TRRAP: variants seen among roughly 807,000 people sequenced by gnomAD.
TRRAP encodes transformation/transcription domain-associated protein.
In TRRAP, 41 loss-of-function variants were observed where a neutral mutation model predicts 438.8. The observed-to-expected ratio is 0.09, with a 90% CI of 0.07 to 0.12. TRRAP has a LOEUF of 0.12. TRRAP is among the 10% of genes least tolerant of loss of function. The pLI, the probability that TRRAP is intolerant of heterozygous loss-of-function variation, is 1.00. For synonymous variants in TRRAP, 1,994 were observed against 1,962.9 expected, an observed-to-expected ratio of 1.02 and a Z score of -0.42; for missense variants, 3,122 against 5,055.1, an observed-to-expected ratio of 0.62 and a Z score of 11.60.
chr7:98,986,196 G>A (rs1291865667), intron 62 of TRRAP, among the ~76,000 whole-genome samples: 1 of 152,206 alleles, frequency 6.6e-6, no homozygotes, highest in African/African-American at 2.4e-5. Context: ...GCAGTTGATG[G>A]ATGTGTGGGT....
Position 98,967,630 on chromosome 7 carries a change from C to T in TRRAP, c.7444C>T (p.Leu2482Phe), listed in dbSNP as rs760180339. The change falls in exon 51 of 73, where the codon CTC (leucine) becomes TTC (phenylalanine). Residue 2482 changes from leucine (L) to phenylalanine (F), a missense_variant. Coordinates refer to ENST00000456197, the MANE Select transcript of TRRAP (RefSeq NM_001375524.1). ...GAAACGTCGTGTCTACGAGCGCTTG[C>T]TCTATGTGACCTGTTCGCAGAACTG... ...SMKRRVYERL[L>F]YVTCSQNWEA... is the part of the protein sequence containing the mutation. The T allele has an allele frequency of 1.2e-6, 2 of 1,614,062 alleles. No homozygotes were observed. The highest frequency in any genetic ancestry group is 8.5e-7 in the Non-Finnish European group (1 of 1,180,032).
chr7:99,007,857 C>T (rs1271753477), intron 69 of TRRAP, among the ~76,000 whole-genome samples: 1 of 145,874 alleles, frequency 6.9e-6, no homozygotes, highest in African/African-American at 2.5e-5. Flanking sequence ...GATGGAGTCT[C>T]GCTCTGTCGC....
In TRRAP at chr7:99,005,047, G is replaced by A; in HGVS notation, c.10536-84G>A. 7.1e-7 allele frequency: 1 copy of A among 1,412,714 alleles called. No individual in the cohort carries two copies. Among genetic ancestry groups the A allele is most frequent in the South Asian group, 1.2e-5 (1 of 84,572 alleles). 87.5% of individuals were successfully genotyped at this position (1,412,714 alleles called of 1,614,324 possible). A position where few individuals can be genotyped will look rare whatever the true frequency, so the allele number is the denominator to read the frequency against. On this transcript the variant is annotated intron_variant, in intron 68 of 72. Transcript: ENST00000456197. The surrounding 1 kb of genome is among the most constrained non-coding windows in gnomAD (Gnocchi z 5.1). ...CTACACAGTCCGTTTTCCCGTGACA[G>A]TTCGGACATTCCTAGCTTCTTCTCA...
intron 3 of TRRAP, among the ~76,000 whole-genome samples, chr7:98,882,815 C>T (rs1795515657): frequency 6.8e-6 from 1 of 148,022 alleles, no homozygotes; most frequent in Admixed American, 6.7e-5. Context: ...GTGTGCACCA[C>T]ACCCGGCTGA....
Position 99,011,644 on chromosome 7 carries a change from C to T in TRRAP, c.11337+109C>T. On this transcript the variant is annotated intron_variant, in intron 72 of 72. Transcript: ENST00000456197. The surrounding 1 kb of genome is among the most constrained non-coding windows in gnomAD (Gnocchi z 7.1). ...TGTGCCTCACGGGCTCTGCGCTCTC[C>T]ACAGTGGCCAGCACCCCTGTGTGTT... The T allele has an allele frequency of 3.9e-6, 5 of 1,276,340 alleles. No individual in the cohort carries two copies. Among genetic ancestry groups the T allele is most frequent in the Non-Finnish European group, 5.3e-6 (5 of 936,126 alleles). The allele number at this position is 1,276,340 out of a possible 1,614,324, so 79.1% of individuals were successfully genotyped here.
In TRRAP at chr7:99,005,143, G is replaced by C. The variant is rs575341026; in HGVS notation, c.10548G>C (p.Arg3516=). 33 of 1,613,610 alleles carry C rather than the reference G, an allele frequency of 2.0e-5. No individual in the cohort carries two copies. The highest frequency in any genetic ancestry group is 4.4e-5 in the South Asian group (4 of 91,082). ...CTCGCTCTGGCAGGTTCATGCCCCG[G>C]GTAGAGATTGTGCAGAAGCACAACA... ...YYIKIARFMP[R]VEIVQKHNTA... The change falls in exon 69 of 73, where the codon CGG becomes CGC. Residue 3516 remains arginine, a synonymous_variant. Coordinates refer to ENST00000456197, the MANE Select transcript of TRRAP (RefSeq NM_001375524.1). The surrounding 1 kb of genome is among the most constrained non-coding windows in gnomAD (Gnocchi z 5.1).
intron 24 of TRRAP, 40 bp downstream of exon 24, chr7:98,930,246 G>A: frequency 1.2e-6 from 2 of 1,604,862 alleles, no homozygotes; most frequent in Non-Finnish European, 1.7e-6. Flanking sequence ...TTTGGAGGGT[G>A]TCTGTACCTG....
At chr7:98,953,508 C>T in intron 40 of TRRAP, 75 bp downstream of exon 40, 1 of 1,564,734 alleles carries the variant, frequency 6.4e-7, no homozygotes, top group Non-Finnish European at 8.6e-7. Flanking sequence ...CTGGTGCAGT[C>T]TCAGCCTCTC....
intron 6 of TRRAP, among the ~76,000 whole-genome samples, chr7:98,895,030 G>A (rs1436105310): frequency 2.6e-5 from 4 of 151,948 alleles, no homozygotes; most frequent in Non-Finnish European, 5.9e-5. Flanking sequence ...ATCATGTTAA[G>A]TGTAAGCATT....
Position 98,910,499 on chromosome 7 carries a change from C to A in TRRAP, c.1715-11C>A. The A allele has an allele frequency of 6.2e-7, 1 of 1,613,160 alleles. No homozygotes were observed. The highest frequency in any genetic ancestry group is 1.1e-5 in the South Asian group (1 of 91,056). On this transcript the variant is annotated splice_polypyrimidine_tract_variant and intron_variant, in intron 15 of 72. Coordinates refer to ENST00000456197, the MANE Select transcript of TRRAP (RefSeq NM_001375524.1). ...TATTCAAGTTAACTTAATATACTTT[C>A]TCTTTTCCAGAAGCTCAGTTCATTC...
In TRRAP at chr7:98,937,193, G is replaced by A. The variant is rs368076451; in HGVS notation, c.4149G>A (p.Arg1383=). 2.0e-4 allele frequency: 317 copies of A among 1,613,350 alleles called. 3 individuals carry two copies. The South Asian group carries it at 3.2e-3, about 16-fold the overall frequency. The change falls in exon 29 of 73, where the codon AGG becomes AGA. Residue 1383 remains arginine (R), a synonymous_variant. Coordinates refer to ENST00000456197, the MANE Select transcript of TRRAP (RefSeq NM_001375524.1). ...LAACNYLPQS[R]EKIIAALFKA... The stretch of plus-strand genomic sequence containing the variant: ...CCTGCAATTACCTTCCTCAGTCCAG[G>A]GAGAAAATCATCGCTGCACTCTTCA...
chr7:98,893,389 C>T (rs782433392), intron 5 of TRRAP, among the ~76,000 whole-genome samples: 13 of 152,228 alleles, frequency 8.5e-5, no homozygotes, highest in Non-Finnish European at 1.8e-4. Context: ...ATCATGCCCT[C>T]ACAGGTCAGA....
chr7:98,912,171 C>T lies in TRRAP; in HGVS notation c.2157C>T (p.Gly719=). The change falls in exon 18 of 73, where the codon GGC becomes GGT. Residue 719 remains glycine (G), a synonymous_variant. Transcript: ENST00000456197. ...TCAAGCTGTTCAAGCTGGTCTTTGG[C>T]TCTGTCTCCCTCTTTGCAGCTGAAA... is the stretch of plus-strand genomic sequence containing the variant. ...LYLKLFKLVF[G]SVSLFAAENE... The T allele has an allele frequency of 6.2e-7, 1 of 1,614,050 alleles. No homozygotes were observed. The highest frequency in any genetic ancestry group is 1.1e-5 in the South Asian group (1 of 91,030).
Position 98,935,655 on chromosome 7 carries a change from C to T in TRRAP, c.4091C>T (p.Pro1364Leu), listed in dbSNP as rs199559167. The change falls in exon 28 of 73, where the codon CCT becomes CTT. Residue 1364 changes from proline to leucine, a missense_variant. Pro to Leu is a moderately conservative substitution (Grantham distance 98). Around this residue, in one of 24 missense-constraint regions of TRRAP, gnomAD observed 84 missense variants for 119.8 expected, o/e 0.70. Coordinates refer to ENST00000456197, the MANE Select transcript of TRRAP (RefSeq NM_001375524.1). ...PCYKSLPSLV[P>L]LRIAALNALA... is the part of the protein sequence containing the mutation. ...TATAAAAGCCTTCCGTCACTCGTACCTTTACGAATTGCGGCATTAAGTAAG... is the reference window on the plus strand; with the variant it reads ...TATAAAAGCCTTCCGTCACTCGTACTTTTACGAATTGCGGCATTAAGTAAG... The T allele has an allele frequency of 7.8e-5, 125 of 1,596,814 alleles. No individual in the cohort carries two copies. In the African/African-American group the frequency reaches 1.4e-3, roughly 17 times the overall value.
intron 3 of TRRAP, among the ~76,000 whole-genome samples, chr7:98,885,604 A>G (rs1554403832): frequency 6.6e-6 from 1 of 152,036 alleles, no homozygotes; most frequent in African/African-American, 2.4e-5. Flanking sequence ...AAAACTTGAG[A>G]TATTTAGAGA....
intron 5 of TRRAP, among the ~76,000 whole-genome samples, chr7:98,893,034 C>G (rs764515098): frequency 6.6e-6 from 1 of 152,052 alleles, no homozygotes; most frequent in Admixed American, 6.6e-5. Context: ...TCACTGCATC[C>G]TCCACCTCCT....
At chr7:98,968,694 G>A (rs923731423) in intron 51 of TRRAP, among the ~76,000 whole-genome samples, 34 of 152,216 alleles carry the variant, frequency 2.2e-4, no homozygotes, top group Non-Finnish European at 1.2e-4. Flanking sequence ...GACAGAAGGT[G>A]GATTAGTTCT....
At chr7:98,996,568 G>A (rs575102152) in intron 67 of TRRAP, among the ~76,000 whole-genome samples, 8 of 152,304 alleles carry the variant, frequency 5.3e-5, no homozygotes, top group African/African-American at 1.4e-4. Context: ...ACATTTAAAA[G>A]CTTAATTACT....
At position 98,908,672 on chromosome 7, in the gene TRRAP, G is replaced by C; in HGVS notation, c.1116-56G>C. On this transcript the variant is annotated intron_variant, in intron 13 of 72. Coordinates refer to ENST00000456197, the MANE Select transcript of TRRAP (RefSeq NM_001375524.1). This position sits in a 1 kb window ranked among gnomAD's most constrained non-coding sequence, Gnocchi z 4.1. ...CAGATGGTGATATCCTTGGTGGCCT[G>C]CTGCAGCAGGCATGGCCACGTGGGA... The C allele has an allele frequency of 6.7e-7, 1 of 1,497,162 alleles. No homozygotes were observed. The highest frequency in any genetic ancestry group is 9.0e-7 in the Non-Finnish European group (1 of 1,112,250). 92.7% of individuals were successfully genotyped at this position (1,497,162 alleles called of 1,614,324 possible). A position where few individuals can be genotyped will look rare whatever the true frequency, so the allele number is the denominator to read the frequency against.
Sources: gnomAD v4.1 joint callset for allele counts (sites outside exome capture counted in the v4.1 genomes callset) on GRCh38, gnomAD v4.1.1 for gene constraint, gnomAD v4.1.1 regional missense constraint, Gnocchi (gnomAD v3.1) non-coding constraint, MANE v1.5 for transcripts, NCBI Gene and HGNC (gene_info 2026-07-23, HGNC 2026-07-21) for gene names.